The following SLC26A3 variants were observed in gnomAD, a reference collection of about 807,000 sequenced individuals.
SLC26A3 encodes chloride anion exchanger.
A neutral mutation model predicts 85.6 loss-of-function variants in SLC26A3; 64 were observed. The ratio of observed to expected loss-of-function variants is 0.75; its 90% CI spans 0.61 to 0.92. The LOEUF (loss-of-function observed/expected upper bound fraction) is 0.92, where lower values mean the gene tolerates loss of function less well. SLC26A3 is among the 40% of genes least tolerant of loss of function. The pLI, the probability that SLC26A3 is intolerant of heterozygous loss-of-function variation, is 0.00. For synonymous variants in SLC26A3, 349 were observed against 336.0 expected, an observed-to-expected ratio of 1.04 and a Z score of -0.42; for missense variants, 922 against 927.3, an observed-to-expected ratio of 0.99 and a Z score of 0.07.
intron 12 of SLC26A3, 143 bp downstream of exon 12, chr7:107,779,525 C>A (rs543323555): frequency 2.9e-6 from 2 of 689,212 alleles, no homozygotes; most frequent in Admixed American, 4.9e-5. Context: ...TTAAAAATAG[C>A]AAATAAAACA....
At chr7:107,774,929 A>G in intron 15 of SLC26A3, 57 bp from the exon 16 acceptor site, 12 of 1,292,144 alleles carry the variant, frequency 9.3e-6, no homozygotes, top group Non-Finnish European at 1.2e-5. Flanking sequence ...TTTATATAGC[A>G]TAGTTCTAAC....
At chr7:107,787,601 A>G in intron 6 of SLC26A3, 92 bp from the exon 7 acceptor site, 1 of 1,136,076 alleles carries the variant, frequency 8.8e-7, no homozygotes, top group Non-Finnish European at 1.3e-6. Context: ...TAAACATGGA[A>G]GCAAAAAGAC....
At chr7:107,796,318 G>A (rs1377386056) in intron 1 of SLC26A3, among the ~76,000 whole-genome samples, 1 of 152,028 alleles carries the variant, frequency 6.6e-6, no homozygotes. Context: ...TGTTGCCCAG[G>A]CTGGCCTCAA....
chr7:107,791,835 G>A lies in SLC26A3; in HGVS notation c.377C>T (p.Ser126Phe). Residue 126 changes from serine to phenylalanine, a missense_variant, in exon 4 of 21, where the codon TCC becomes TTC. Ser to Phe is a radical substitution (Grantham distance 155, BLOSUM62 -2). Coordinates refer to ENST00000340010, the MANE Select transcript of SLC26A3 (RefSeq NM_000111.3). ...CAGCTCAGTAACTGACTTACCCACG[G>A]ATATGTGTCTGGAAGTGCCGAAGAA... ...YLFFGTSRHI[S>F]VGPFPILSMM... 6.2e-7 allele frequency: 1 copy of A among 1,600,088 alleles called. No homozygotes were observed. The highest frequency in any genetic ancestry group is 8.6e-7 in the Non-Finnish European group (1 of 1,167,408).
chr7:107,785,452 ATAAG>A (rs1263224011), intron 8 of SLC26A3, among the ~76,000 whole-genome samples: 1 of 152,222 alleles, frequency 6.6e-6, no homozygotes, highest in African/African-American at 2.4e-5. Flanking sequence ...CATTCACTAA[ATAAG>A]ACTGTTGTTG....
intron 11 of SLC26A3, among the ~76,000 whole-genome samples, chr7:107,781,404 AC>A (rs1200470101): frequency 6.6e-6 from 1 of 152,064 alleles, no homozygotes; most frequent in African/African-American, 2.4e-5. Flanking sequence ...ATATCACAGG[AC>A]CCTTTATAAA....
intron 5 of SLC26A3, among the ~76,000 whole-genome samples, chr7:107,790,184 C>T (rs1562880526): frequency 6.6e-6 from 1 of 152,144 alleles, no homozygotes; most frequent in Non-Finnish European, 1.5e-5. Context: ...GTGCTTGGTT[C>T]TAGCTGGGGG....
At chr7:107,793,939 C>G in intron 2 of SLC26A3, 58 bp from the exon 3 acceptor site, 4 of 1,610,746 alleles carry the variant, frequency 2.5e-6, no homozygotes, top group Non-Finnish European at 3.4e-6. Flanking sequence ...AGTTTAGTAC[C>G]TGTCGGTGGG....
chr7:107,774,415 G>T (rs1794077362), intron 16 of SLC26A3, among the ~76,000 whole-genome samples: 1 of 152,164 alleles, frequency 6.6e-6, no homozygotes, highest in South Asian at 2.1e-4. Context: ...AGCCAGGCAT[G>T]GTGGCACATG....
intron 1 of SLC26A3, among the ~76,000 whole-genome samples, chr7:107,798,733 G>A (rs1794553486): frequency 6.6e-6 from 1 of 152,146 alleles, no homozygotes; most frequent in African/African-American, 2.4e-5. Flanking sequence ...AGCTGAGGAA[G>A]GCCTTCGATA....
rs1416073562 is a variant in SLC26A3 at position 107,776,706 on chromosome 7, A to G, written c.1515T>C (p.Phe505=). The G allele has an allele frequency of 6.2e-7, 1 of 1,613,016 alleles. No individual in the cohort carries two copies. Among genetic ancestry groups the G allele is most frequent in the Admixed American group, 1.7e-5 (1 of 60,008 alleles). The stretch of plus-strand genomic sequence containing the variant: ...TATTAGCCAGCGTGCTGCATTTTGG[A>G]CTGTAGGGAGAAAAACACCAAGTAA... ...QLLTIVFRTQ[F]PKCSTLANIG... Residue 505 remains phenylalanine, a splice_region_variant and synonymous_variant, in exon 14 of 21, where the codon TTT becomes TTC. Coordinates refer to ENST00000340010, the MANE Select transcript of SLC26A3 (RefSeq NM_000111.3).
intron 4 of SLC26A3, 21 bp from the exon 5 acceptor site, chr7:107,791,256 C>T (rs780307713): frequency 4.3e-6 from 7 of 1,611,912 alleles, no homozygotes; most frequent in Middle Eastern, 1.7e-4. Context: ...GTGGGTGAAT[C>T]GTGGTCAGTA....
At chr7:107,770,780 A>G (rs1221071428) in intron 18 of SLC26A3, among the ~76,000 whole-genome samples, 1 of 152,166 alleles carries the variant, frequency 6.6e-6, no homozygotes, top group Non-Finnish European at 1.5e-5. Flanking sequence ...TAGGGAAGAG[A>G]CAGGAAGAAG....
chr7:107,782,833 A>G lies in SLC26A3; in HGVS notation c.1275T>C (p.Val425=), dbSNP rs1794233585. 1.2e-6 allele frequency: 2 copies of G among 1,614,032 alleles called. No homozygotes were observed. The highest frequency in any genetic ancestry group is 3.3e-5 in the Admixed American group (2 of 59,996). Residue 425 remains valine, a synonymous_variant, in exon 11 of 21, where the codon GTT becomes GTC. Transcript: ENST00000340010. ...GCGCCAGGAGAAATCCAATGGCTAG[A>G]ACGACAATCAGCACGATGATGGCAC... ...LIGAIIVLIV[V]LAIGFLLAPL...
chr7:107,779,964 C>T (rs1794189390), intron 11 of SLC26A3, among the ~76,000 whole-genome samples: 1 of 151,994 alleles, frequency 6.6e-6, no homozygotes, highest in South Asian at 2.1e-4. Context: ...ACTTTGTCCC[C>T]ACAACAGTGA....
chr7:107,769,236 C>G (rs534139630), intron 18 of SLC26A3, among the ~76,000 whole-genome samples: 1 of 152,010 alleles, frequency 6.6e-6, no homozygotes, highest in Non-Finnish European at 1.5e-5. Flanking sequence ...GATATATACC[C>G]AAAGGAATAT....
At chr7:107,797,219 C>T (rs528772892) in intron 1 of SLC26A3, among the ~76,000 whole-genome samples, 12 of 152,294 alleles carry the variant, frequency 7.9e-5, no homozygotes, top group East Asian at 3.9e-4. Flanking sequence ...TCCGGCCAGG[C>T]GCGGTGGCTT....
intron 8 of SLC26A3, among the ~76,000 whole-genome samples, chr7:107,784,545 C>T (rs1256314489): frequency 1.3e-5 from 2 of 152,170 alleles, no homozygotes; most frequent in East Asian, 1.9e-4. Flanking sequence ...GATCTCCCCA[C>T]CTCAGCCTCC....
intron 1 of SLC26A3, among the ~76,000 whole-genome samples, chr7:107,797,739 C>CATTTTTTTT (rs781396459): frequency 1.4e-5 from 1 of 70,536 alleles, no homozygotes; most frequent in African/African-American, 8.3e-5. Flanking sequence ...TTGAGCAGGA[C>CATTTTTTTT]CTTTTTTTTT....
Sources: gnomAD v4.1 joint callset for allele counts (sites outside exome capture counted in the v4.1 genomes callset) on GRCh38, gnomAD v4.1.1 for gene constraint, MANE v1.5 for transcripts, NCBI Gene and HGNC (gene_info 2026-07-23, HGNC 2026-07-21) for gene names.